Variants in DCAF6 observed in about 807,000 individuals in gnomAD.
DCAF6 encodes the protein DDB1- and CUL4-associated factor 6.
A neutral mutation model predicts 125.1 loss-of-function variants in DCAF6; 54 were observed. The observed-to-expected ratio is 0.43, with a 90% CI of 0.35 to 0.54. The LOEUF (loss-of-function observed/expected upper bound fraction) is 0.54, where lower values mean the gene tolerates loss of function less well. DCAF6 is among the 20% of genes least tolerant of loss of function. DCAF6 has a pLI of 0.01. For synonymous variants in DCAF6, 371 were observed against 390.4 expected (o/e 0.95, Z 0.58); for missense variants, 934 against 1,161.7 (o/e 0.80, Z 2.85).
intron 2 of DCAF6, among the ~76,000 whole-genome samples, chr1:167,958,464 T>A (rs1369560637): frequency 6.6e-6 from 1 of 152,072 alleles, no homozygotes; most frequent in African/African-American, 2.4e-5. Context: ...ATAGAAGAGT[T>A]TATTTCTGAA....
intron 4 of DCAF6, among the ~76,000 whole-genome samples, chr1:167,984,442 C>A (rs1679651244): frequency 6.6e-6 from 1 of 152,078 alleles, no homozygotes; most frequent in African/African-American, 2.4e-5. Context: ...ATTTGATTAT[C>A]AAATTCAGTA....
chr1:167,947,939 A>G (rs988338835), intron 1 of DCAF6, among the ~76,000 whole-genome samples: 4 of 152,132 alleles, frequency 2.6e-5, no homozygotes, highest in Non-Finnish European at 4.4e-5. Flanking sequence ...CTTTGTCTAG[A>G]TGATCTGTCT....
chr1:167,878,535 C>T, the DCAF6 span: 8 of 1,614,100 alleles, frequency 5.0e-6, no homozygotes, highest in South Asian at 3.3e-5. Flanking sequence ...TAAAAAAGTA[C>T]GCTGGTAGGT....
the DCAF6 span, among the ~76,000 whole-genome samples, chr1:167,866,455 T>C: frequency 6.7e-6 from 1 of 149,350 alleles, no homozygotes; most frequent in African/African-American, 2.4e-5. Context: ...AAGCTTTTCA[T>C]GAGTTGAAAG....
At chr1:167,890,584 C>T in the DCAF6 span, among the ~76,000 whole-genome samples, 1 of 127,554 alleles carries the variant, frequency 7.8e-6, no homozygotes, top group Admixed American at 8.7e-5. Flanking sequence ...TTGTTCAAGG[C>T]TCTAGCACTC....
At chr1:167,926,104 C>T in the DCAF6 span, among the ~76,000 whole-genome samples, 1 of 152,192 alleles carries the variant, frequency 6.6e-6, no homozygotes, top group Non-Finnish European at 1.5e-5. Context: ...GACTACTCAG[C>T]CCATTATAAT....
chr1:167,956,242 T>TA (rs138158820), intron 2 of DCAF6, among the ~76,000 whole-genome samples: 2,292 of 152,280 alleles, frequency 0.015, 54 homozygotes, highest in African/African-American at 0.051. Flanking sequence ...TAATTCCATT[T>TA]ATTTAGTAAA....
intron 17 of DCAF6, chr1:168,056,331 C>G (rs1369203018): frequency 1.2e-6 from 2 of 1,600,558 alleles, no homozygotes; most frequent in Non-Finnish European, 1.7e-6. Context: ...CCCCAGCTGC[C>G]AGGGCCTCGG....
At chr1:168,009,199 C>G (rs970785913) in intron 10 of DCAF6, among the ~76,000 whole-genome samples, 2 of 151,696 alleles carry the variant, frequency 1.3e-5, no homozygotes, top group African/African-American at 4.8e-5. Flanking sequence ...AGGGTTTCAC[C>G]GTGTTGGCCA....
At chr1:167,884,123 T>C in the DCAF6 span, among the ~76,000 whole-genome samples, 1 of 152,214 alleles carries the variant, frequency 6.6e-6, no homozygotes, top group Non-Finnish European at 1.5e-5. Flanking sequence ...TATACTCTTT[T>C]AGTTATTTTT....
chr1:167,939,932 C>T (rs983405516), intron 1 of DCAF6, among the ~76,000 whole-genome samples: 2 of 152,080 alleles, frequency 1.3e-5, no homozygotes, highest in Non-Finnish European at 2.9e-5. Context: ...AAGTATTTTT[C>T]TGATACATTT....
the DCAF6 span, among the ~76,000 whole-genome samples, chr1:167,874,016 G>GA: frequency 6.6e-6 from 1 of 152,120 alleles, no homozygotes; most frequent in Non-Finnish European, 1.5e-5. Flanking sequence ...AAAAATAGGT[G>GA]AAAAATTGTA....
intron 10 of DCAF6, among the ~76,000 whole-genome samples, chr1:168,013,744 G>T (rs550771479): frequency 3.3e-5 from 5 of 151,830 alleles, no homozygotes; most frequent in East Asian, 1.9e-4. Flanking sequence ...AACTTCTCTT[G>T]ATTATTATTA....
intron 4 of DCAF6, among the ~76,000 whole-genome samples, chr1:167,982,563 CT>C (rs770626191): frequency 6.6e-5 from 10 of 152,098 alleles, no homozygotes; most frequent in Middle Eastern, 3.4e-3. Context: ...GATATTAAAC[CT>C]TCGTCAGGTG....
At chr1:167,934,282 T>C (rs950891757), upstream of DCAF6, among the ~76,000 whole-genome samples, 4 of 152,332 alleles carry the variant, frequency 2.6e-5, no homozygotes, top group East Asian at 7.7e-4. Flanking sequence ...AAATTACTCT[T>C]ACTCTGTCAT....
the DCAF6 span, chr1:167,917,597 CAAAAA>C: frequency 3.8e-5 from 3 of 79,834 alleles, no homozygotes; most frequent in East Asian, 4.6e-4. Flanking sequence ...GACCCTGTCT[CAAAAA>C]AAAAAAAAAA....
At chr1:167,893,904 A>G in the DCAF6 span, 2 of 1,613,698 alleles carry the variant, frequency 1.2e-6, no homozygotes, top group Middle Eastern at 3.3e-4. Flanking sequence ...TCTCCAGTTC[A>G]GGATCAGGCT....
chr1:167,907,406 G>A, the DCAF6 span, among the ~76,000 whole-genome samples: 1 of 152,158 alleles, frequency 6.6e-6, no homozygotes, highest in African/African-American at 2.4e-5. Flanking sequence ...GGTTGTATGG[G>A]GTTCTCCTCT....
At chr1:168,014,310 T>G (rs1417528573) in intron 10 of DCAF6, among the ~76,000 whole-genome samples, 1 of 152,184 alleles carries the variant, frequency 6.6e-6, no homozygotes, top group Non-Finnish European at 1.5e-5. Flanking sequence ...CACAACTGCT[T>G]ACTCCATCCT....
Sources: allele counts gnomAD v4.1 joint callset (sites outside exome capture counted in the v4.1 genomes callset), GRCh38; gene constraint gnomAD v4.1.1; transcripts MANE v1.5; gene names NCBI Gene and HGNC (gene_info 2026-07-23, HGNC 2026-07-21).